The following NOX5 variants were observed in gnomAD, a reference collection of about 807,000 sequenced individuals.
The protein encoded by NOX5 is NADPH oxidase, EF-hand calcium binding domain 5.
A neutral mutation model predicts 85.7 loss-of-function variants in NOX5; 76 were observed. The observed-to-expected ratio is 0.89, with a 90% CI of 0.74 to 1.07. NOX5 has a LOEUF of 1.07. Among genes scored for constraint, NOX5 ranks in the 50% least tolerant of loss-of-function variants. The pLI is 0.00. For missense variants in NOX5, 973 were observed against 999.5 expected (o/e 0.97, Z 0.36); for synonymous variants, 405 against 401.4 (o/e 1.01, Z -0.11).
At chr15:69,036,318 C>T (rs895055709) in intron 7 of NOX5, among the ~76,000 whole-genome samples, 3 of 149,922 alleles carry the variant, frequency 2.0e-5, no homozygotes, top group Non-Finnish European at 4.4e-5. Flanking sequence ...AGGTGTAATT[C>T]TCTATGTTAT....
intron 8 of NOX5, 79 bp downstream of exon 8, chr15:69,037,289 C>T (rs762697619): frequency 1.1e-4 from 150 of 1,339,812 alleles, no homozygotes; most frequent in Non-Finnish European, 1.5e-4. Context: ...GCTGGATACC[C>T]TGTCAGACCC....
chr15:69,041,417 G>T (rs965069527), intron 9 of NOX5, among the ~76,000 whole-genome samples: 2 of 152,110 alleles, frequency 1.3e-5, no homozygotes, highest in Non-Finnish European at 2.9e-5. Flanking sequence ...AACTTGAATG[G>T]AACATCTTTA....
Position 69,035,395 on chromosome 15 carries a change from G to A in NOX5, c.897G>A (p.Thr299=), listed in dbSNP as rs753658516. 2.0e-5 allele frequency: 33 copies of A among 1,614,190 alleles called. No homozygotes were observed. The highest frequency in any genetic ancestry group is 1.6e-4 in the Middle Eastern group (1 of 6,062). Residue 299 remains threonine, a synonymous_variant, in exon 6 of 16, where the codon ACG becomes ACA. Coordinates refer to ENST00000388866, the MANE Select transcript of NOX5 (RefSeq NM_024505.4). ...GCTGCCTCACCTGGCTGCGGGCCAC[G>A]TGGCTGGCTCAAGTCCTACCACTGG... is the stretch of plus-strand genomic sequence containing the variant. ...LRRCLTWLRA[T]WLAQVLPLDQ...
Position 69,049,003 on chromosome 15 carries a change from G to A in NOX5, c.1944G>A (p.Trp648Ter), listed in dbSNP as rs2050712085. 13 of 1,612,962 alleles carry A rather than the reference G, an allele frequency of 8.1e-6. No homozygotes were observed. The highest frequency in any genetic ancestry group is 1.1e-5 in the South Asian group (1 of 90,634). ...ACAGAGACCAGCGGTCTTTCGAGTG[G>A]TTTGTGAGCCTGCTGACTAAACTGG... The part of the protein sequence containing the change: ...WINRDQRSFE[W>*]FVSLLTKLEM... The change falls in exon 14 of 16, where the codon TGG becomes TGA. Residue 648 changes from tryptophan (W) to a stop codon, truncating the protein, a stop_gained. Transcript: ENST00000388866. LOFTEE classifies it high-confidence loss of function.
chr15:69,035,846 G>A lies in NOX5; in HGVS notation c.1098G>A (p.Ser366=), dbSNP rs939050214. 24 of 1,614,158 alleles carry A rather than the reference G, an allele frequency of 1.5e-5. No individual in the cohort carries two copies. The highest frequency in any genetic ancestry group is 6.7e-5 in the East Asian group (3 of 44,878). The change falls in exon 7 of 16, where the codon TCG becomes TCA. Residue 366 remains serine, a synonymous_variant. Coordinates refer to ENST00000388866, the MANE Select transcript of NOX5 (RefSeq NM_024505.4). ...CTGGCATTGGCTGGGTACACGGTTCGGCCTCCCCGACAGGTGTCGCTCTGC... is the reference window on the plus strand; with the variant it reads ...CTGGCATTGGCTGGGTACACGGTTCAGCCTCCCCGACAGGTGTCGCTCTGC... The part of the protein sequence containing the change: ...TRPGIGWVHG[S]ASPTGVALLL...
At chr15:69,047,681 C>A in intron 12 of NOX5, 144 bp downstream of exon 12, 3 of 1,329,626 alleles carry the variant, frequency 2.3e-6, no homozygotes, top group African/African-American at 1.5e-5. Flanking sequence ...CCTGCTCTGC[C>A]CCCCTCTCCT....
intron 10 of NOX5, 88 bp from the exon 11 acceptor site, chr15:69,046,734 G>GC: frequency 7.9e-7 from 1 of 1,267,886 alleles, no homozygotes; most frequent in Non-Finnish European, 1.1e-6. Context: ...TTATAAAGTT[G>GC]CTCAGACTGG....
At chr15:69,043,960 C>T (rs577524550) in intron 10 of NOX5, among the ~76,000 whole-genome samples, 103 of 152,186 alleles carry the variant, frequency 6.8e-4, no homozygotes, top group African/African-American at 2.2e-3. Flanking sequence ...CCGAGGCTGG[C>T]GGATCATGAG....
rs563771634 is a variant in NOX5 at position 69,052,751 on chromosome 15, G to A, written c.2000-2583G>A. 3.9e-5 allele frequency among the ~76,000 whole-genome samples: 6 copies of A among 152,314 alleles called. No homozygotes were observed. The South Asian group carries it at 1.2e-3, about 32-fold the overall frequency. ...CAGTCTTTGGAAGATAACTCTTCAA[G>A]CTTAGACTAGTTCAGTAAAGCTCCT... On this transcript the variant is annotated intron_variant, in intron 14 of 15. Transcript: ENST00000388866.
At chr15:69,030,790 T>C (rs1051363341) in intron 3 of NOX5, 2 of 152,254 alleles carry the variant, frequency 1.3e-5, no homozygotes, top group Non-Finnish European at 2.9e-5. Flanking sequence ...GTTTTACCAT[T>C]ATCGAGTTTC....
At chr15:69,025,477 C>T (rs11072064) in intron 1 of NOX5, among the ~76,000 whole-genome samples, 38,268 of 152,062 alleles carry the variant, frequency 0.25, 5,630 homozygotes, top group South Asian at 0.38. Context: ...GGCATCGTCG[C>T]CTTGCTCAGC....
chr15:69,023,048 C>A, intron 1 of NOX5: 1 of 456,682 alleles, frequency 2.2e-6, no homozygotes. Context: ...GCTTGGGGTA[C>A]TTTGCATCAA....
Position 69,033,208 on chromosome 15 carries a change from C to G in NOX5, c.786C>G (p.Asp262Glu), listed in dbSNP as rs748888839. 1 of 1,597,136 alleles carries G rather than the reference C, an allele frequency of 6.3e-7. No homozygotes were observed. The highest frequency in any genetic ancestry group is 1.3e-5 in the African/African-American group (1 of 74,940). Residue 262 changes from aspartate to glutamate, a missense_variant, in exon 5 of 16, where the codon GAC becomes GAG. Asp to Glu is a conservative substitution (Grantham distance 45). Coordinates refer to ENST00000388866, the MANE Select transcript of NOX5 (RefSeq NM_024505.4). ...LFGLAASAHR[D>E]LGASVMVAKG... The stretch of plus-strand genomic sequence containing the variant: ...GGCTGGCGGCCAGCGCGCACCGGGA[C>G]CTCGGCGCCAGCGTCATGGTGGCCA...
chr15:69,021,360 T>G (rs969027202), intron 1 of NOX5, among the ~76,000 whole-genome samples: 3 of 151,846 alleles, frequency 2.0e-5, no homozygotes, highest in African/African-American at 7.3e-5. Flanking sequence ...TTTTTTTTTT[T>G]TTTTTTGAGA....
intron 4 of NOX5, 95 bp from the exon 5 acceptor site, chr15:69,032,948 T>G (rs2050457227): frequency 6.8e-7 from 1 of 1,478,538 alleles, no homozygotes; most frequent in Admixed American, 2.6e-5. Context: ...CTTGCCAGAC[T>G]TGGTCGGCCA....
Position 69,042,748 on chromosome 15 carries a change from T to C in NOX5, c.1590T>C (p.Arg530=). The C allele has an allele frequency of 6.2e-7, 1 of 1,614,092 alleles. No individual in the cohort carries two copies. Among genetic ancestry groups the C allele is most frequent in the Non-Finnish European group, 8.5e-7 (1 of 1,180,014 alleles). The change falls in exon 10 of 16, where the codon CGT becomes CGC. Residue 530 remains arginine (R), a synonymous_variant. Transcript: ENST00000388866. The part of the protein sequence containing the change: ...ESFKASDPLG[R]GSKRLSRSVT... ...TCAAGGCATCAGACCCACTGGGCCGTGGTTCTAAGAGGCTGTCGAGGAGTG... is the reference window on the plus strand; with the variant it reads ...TCAAGGCATCAGACCCACTGGGCCGCGGTTCTAAGAGGCTGTCGAGGAGTG...
intron 15 of NOX5, 76 bp from the exon 16 acceptor site, chr15:69,056,489 C>T: frequency 6.4e-7 from 1 of 1,570,664 alleles, no homozygotes; most frequent in Non-Finnish European, 8.6e-7. Context: ...CTGTTACCTC[C>T]AGGTGGTTGT....
chr15:69,032,144 A>G (rs985470081), intron 4 of NOX5, among the ~76,000 whole-genome samples: 7 of 152,208 alleles, frequency 4.6e-5, no homozygotes, highest in African/African-American at 1.4e-4. Context: ...AATAATTAAC[A>G]AAGGTATTTA....
intron 9 of NOX5, among the ~76,000 whole-genome samples, chr15:69,041,166 G>C (rs190141653): frequency 6.6e-6 from 1 of 152,244 alleles, no homozygotes; most frequent in Admixed American, 6.5e-5. Flanking sequence ...AGCTGTGGCT[G>C]AATGAATTCA....
Sources: gnomAD v4.1 joint callset for allele counts (sites outside exome capture counted in the v4.1 genomes callset) on GRCh38, gnomAD v4.1.1 for gene constraint, MANE v1.5 for transcripts, NCBI Gene and HGNC (gene_info 2026-07-23, HGNC 2026-07-21) for gene names.